The following GRK3 variants were observed in gnomAD, a reference collection of about 807,000 sequenced individuals.
The protein encoded by GRK3 is G protein-coupled receptor kinase 3.
A neutral mutation model predicts 95.7 loss-of-function variants in GRK3; 54 were observed. The observed-to-expected ratio is 0.56, with a 90% CI of 0.45 to 0.71. GRK3 has a LOEUF of 0.71. GRK3 is among the 30% of genes least tolerant of loss of function. The pLI is 0.00. For missense variants in GRK3, 649 were observed against 851.2 expected (o/e 0.76, Z 2.96); for synonymous variants, 281 against 290.8 (o/e 0.97, Z 0.34).
rs922081762 is a variant in GRK3, at chr22:25,722,328, G to A, written c.1945G>A (p.Glu649Lys). The change falls in exon 21 of 21, where the codon GAA (glutamate) becomes AAA (lysine). Residue 649 changes from glutamate (E) to lysine (K), a missense_variant. This residue lies in a region of GRK3 where 382 missense variants were observed against 493.8 expected (regional missense o/e 0.77). Transcript: ENST00000324198. ...EFVQWKKELN[E>K]TFKEAQRLLR... ...TGTGCAGTGGAAGAAAGAGTTGAAC[G>A]AAACCTTCAAGGAGGCCCAGCGGCT... 3.7e-6 allele frequency: 6 copies of A among 1,614,152 alleles called. No homozygotes were observed. The highest frequency in any genetic ancestry group is 4.5e-5 in the East Asian group (2 of 44,872).
chr22:25,679,247 T>G (rs2085056221), intron 9 of GRK3, among the ~76,000 whole-genome samples: 1 of 152,222 alleles, frequency 6.6e-6, no homozygotes, highest in Non-Finnish European at 1.5e-5. Flanking sequence ...CAAGAAGGAC[T>G]AACCTAGAGG....
chr22:25,604,496 T>C, intron 2 of GRK3, 43 bp downstream of exon 2: 1 of 1,414,210 alleles, frequency 7.1e-7, no homozygotes, highest in Non-Finnish European at 9.9e-7. Context: ...ATTTTAGTGA[T>C]GAAATTGGGC....
chr22:25,658,505 A>G (rs914148621), intron 3 of GRK3, among the ~76,000 whole-genome samples: 2 of 152,196 alleles, frequency 1.3e-5, no homozygotes, highest in African/African-American at 4.8e-5. Context: ...GGATTTATAC[A>G]TAGAATTTTG....
At chr22:25,696,660 C>T (rs1410517889) in intron 13 of GRK3, among the ~76,000 whole-genome samples, 2 of 152,196 alleles carry the variant, frequency 1.3e-5, no homozygotes, top group Non-Finnish European at 2.9e-5. Flanking sequence ...CCTAACTGAG[C>T]ACCACTGCAT....
At chr22:25,677,594 C>A (rs966071099) in intron 8 of GRK3, among the ~76,000 whole-genome samples, 1 of 151,992 alleles carries the variant, frequency 6.6e-6, no homozygotes, top group Non-Finnish European at 1.5e-5. Context: ...TGTAAGAACT[C>A]GTAGAAAAGT....
chr22:25,724,162 G>A lies in GRK3; in HGVS notation c.*1712G>A, dbSNP rs1472891551. Reference sequence around the variant, plus strand: ...CACACACACACACACTCCAGAAGCAGAAAAGCCATTGTTCTTAAAGAGTGA... The same window carrying A: ...CACACACACACACACTCCAGAAGCAAAAAAGCCATTGTTCTTAAAGAGTGA... On this transcript the variant is annotated 3_prime_UTR_variant, in exon 21 of 21. Coordinates refer to ENST00000324198, the MANE Select transcript of GRK3 (RefSeq NM_005160.4). 1 of 150,394 alleles carries A rather than the reference G, an allele frequency of 6.6e-6. No homozygotes were observed. The highest frequency in any genetic ancestry group is 2.5e-5 in the African/African-American group (1 of 40,232). 9.3% of individuals were successfully genotyped at this position (150,394 alleles called of 1,614,324 possible).
At chr22:25,578,000 A>G (rs1033416668) in intron 1 of GRK3, among the ~76,000 whole-genome samples, 5 of 152,226 alleles carry the variant, frequency 3.3e-5, no homozygotes, top group Admixed American at 2.6e-4. Flanking sequence ...ATATTTGGGT[A>G]AAACAAAAAA....
At chr22:25,659,611 G>T (rs77441013) in intron 3 of GRK3, among the ~76,000 whole-genome samples, 3,236 of 152,238 alleles carry the variant, frequency 0.021, 58 homozygotes, top group Middle Eastern at 0.068. Flanking sequence ...AAACTTCCGG[G>T]GTCAGAGATG....
intron 2 of GRK3, among the ~76,000 whole-genome samples, chr22:25,644,347 G>C (rs899097440): frequency 3.9e-5 from 6 of 152,128 alleles, no homozygotes; most frequent in Non-Finnish European, 5.9e-5. Context: ...TGGAAAGTGG[G>C]GGGCGGGGGT....
intron 3 of GRK3, among the ~76,000 whole-genome samples, chr22:25,646,577 T>C (rs560378000): frequency 6.6e-6 from 1 of 152,304 alleles, no homozygotes; most frequent in African/African-American, 2.4e-5. Context: ...AACACACCTT[T>C]GGGTGTCAAT....
chr22:25,658,955 C>A (rs1021103022), intron 3 of GRK3, among the ~76,000 whole-genome samples: 2 of 152,018 alleles, frequency 1.3e-5, no homozygotes, highest in African/African-American at 2.4e-5. Context: ...TCTAGATATT[C>A]AACTGAAAAT....
At chr22:25,630,243 A>G (rs1309466649) in intron 2 of GRK3, among the ~76,000 whole-genome samples, 1 of 152,120 alleles carries the variant, frequency 6.6e-6, no homozygotes, top group Admixed American at 6.6e-5. Context: ...CTTTGTCCGG[A>G]GAGGTGGATA....
chr22:25,714,320 G>T, intron 17 of GRK3, 88 bp from the exon 18 acceptor site: 1 of 1,119,646 alleles, frequency 8.9e-7, no homozygotes, highest in African/African-American at 1.6e-5. Context: ...ATAGAGTTAT[G>T]ATAGAGTCAC....
chr22:25,575,287 C>T (rs529908299), intron 1 of GRK3, among the ~76,000 whole-genome samples: 7 of 152,256 alleles, frequency 4.6e-5, no homozygotes, highest in Middle Eastern at 3.4e-3. Flanking sequence ...CTAAGTGAAG[C>T]GTTATGGCCT....
intron 1 of GRK3, among the ~76,000 whole-genome samples, chr22:25,592,140 C>T (rs750809167): frequency 7.2e-5 from 11 of 152,198 alleles, no homozygotes; most frequent in East Asian, 3.8e-4. Flanking sequence ...CATATCCCTC[C>T]CAACATTTAG....
chr22:25,649,463 C>G (rs1419489983), intron 3 of GRK3, among the ~76,000 whole-genome samples: 1 of 152,124 alleles, frequency 6.6e-6, no homozygotes. Context: ...GAAAATAGAG[C>G]TAAGATACTG....
intron 15 of GRK3, among the ~76,000 whole-genome samples, chr22:25,709,115 G>A (rs1471247611): frequency 3.3e-5 from 5 of 151,504 alleles, no homozygotes; most frequent in African/African-American, 1.2e-4. Flanking sequence ...TCGGTTCACT[G>A]CAAGCTCCAC....
Position 25,713,810 on chromosome 22 carries a change from G to C in GRK3, c.1492-598G>C, listed in dbSNP as rs115590864. Among the ~76,000 whole-genome samples, 1,356 of 152,190 alleles carry C rather than the reference G, an allele frequency of 8.9e-3. 27 individuals are homozygous for C. Among genetic ancestry groups the C allele is most frequent in the African/African-American group, 0.031 (1,297 of 41,518 alleles). ...ATTTTTGTTCCAGCAGCTCTTAAAG[G>C]CTCCATTGCCTGAACTCCCCATATG... On this transcript the variant is annotated intron_variant, in intron 17 of 20. Transcript: ENST00000324198.
chr22:25,608,132 G>C (rs1301018118), intron 2 of GRK3, among the ~76,000 whole-genome samples: 2 of 152,100 alleles, frequency 1.3e-5, no homozygotes, highest in Admixed American at 6.6e-5. Context: ...TATTTTATTA[G>C]GGATCAACTT....
Sources: gnomAD v4.1 joint callset for allele counts (sites outside exome capture counted in the v4.1 genomes callset) on GRCh38, gnomAD v4.1.1 for gene constraint, gnomAD v4.1.1 regional missense constraint, MANE v1.5 for transcripts, NCBI Gene and HGNC (gene_info 2026-07-23, HGNC 2026-07-21) for gene names.